DBT: variants seen among roughly 807,000 people sequenced by gnomAD.
DBT encodes the protein lipoamide acyltransferase component of branched-chain alpha-keto acid dehydrogenase complex, mitochondrial.
DBT carries 40 observed loss-of-function variants against 51.3 expected under a neutral mutation model. The observed-to-expected ratio is 0.78, with a 90% CI of 0.61 to 1.02. The LOEUF is 1.02. Among genes scored for constraint, DBT ranks in the 50% least tolerant of loss-of-function variants. The pLI is 0.00. For synonymous variants in DBT, 181 were observed against 190.4 expected, an observed-to-expected ratio of 0.95 and a Z score of 0.41; for missense variants, 510 against 580.2, an observed-to-expected ratio of 0.88 and a Z score of 1.24.
chr1:100,246,971 G>A (rs567215119), intron 1 of DBT, among the ~76,000 whole-genome samples: 3 of 152,242 alleles, frequency 2.0e-5, no homozygotes, highest in East Asian at 3.9e-4. Flanking sequence ...TAAAGCAGAG[G>A]AAATACATGT....
Position 100,201,459 on chromosome 1 carries a change from A to G in DBT, c.1281+4771T>C, listed in dbSNP as rs140448232. Reference sequence around the variant, plus strand: ...TACCTGAAAATGACAGGGAGAATGGAAACAAGTTGGAAAACACACTTCAGG... The same window carrying G: ...TACCTGAAAATGACAGGGAGAATGGGAACAAGTTGGAAAACACACTTCAGG... On this transcript the variant is annotated intron_variant, in intron 10 of 10. Transcript: ENST00000370132. Among the ~76,000 whole-genome samples, 600 of 152,300 alleles carry G rather than the reference A, an allele frequency of 3.9e-3. 3 individuals are homozygous for G. Among genetic ancestry groups the G allele is most frequent in the East Asian group, 0.029 (150 of 5,174 alleles).
chr1:100,212,734 C>T (rs1662229327), intron 7 of DBT, among the ~76,000 whole-genome samples: 1 of 152,112 alleles, frequency 6.6e-6, no homozygotes, highest in African/African-American at 2.4e-5. Context: ...TACCTGACCA[C>T]AGTTTGGGAT....
In DBT at chr1:100,195,996, T is replaced by C. The variant is rs964365749; in HGVS notation, c.*259A>G. Reference sequence around the variant, plus strand: ...TGTTAATCTTGCCAGTTTCAAGCCATTGACACAAAAACATCAGCACCATAT... The same window carrying C: ...TGTTAATCTTGCCAGTTTCAAGCCACTGACACAAAAACATCAGCACCATAT... On this transcript the variant is annotated 3_prime_UTR_variant, in exon 11 of 11. Coordinates refer to ENST00000370132, the MANE Select transcript of DBT (RefSeq NM_001918.5). 11 of 495,962 alleles carry C rather than the reference T, an allele frequency of 2.2e-5. No individual in the cohort carries two copies. The highest frequency in any genetic ancestry group is 7.8e-5 in the African/African-American group (4 of 51,394). The allele number at this position is 495,962 out of a possible 1,614,324, so 30.7% of individuals were successfully genotyped here.
chr1:100,249,585 T>C lies in DBT; in HGVS notation c.51+185A>G, dbSNP rs3131838. On this transcript the variant is annotated intron_variant, in intron 1 of 10. Coordinates refer to ENST00000370132, the MANE Select transcript of DBT (RefSeq NM_001918.5). Reference sequence around the variant, plus strand: ...AGCGCTTCCAGGTAAGGGGAGGGAGTGGGTTTCCACTCCAGACTGGTCGAC... The same window carrying C: ...AGCGCTTCCAGGTAAGGGGAGGGAGCGGGTTTCCACTCCAGACTGGTCGAC... 8.8e-3 allele frequency among the ~76,000 whole-genome samples: 1,333 copies of C among 150,920 alleles called. 23 individuals carry two copies. The highest frequency in any genetic ancestry group is 0.032 in the African/African-American group (1,291 of 40,944).
At position 100,204,127 on chromosome 1, in the gene DBT, T is replaced by G. The variant is rs143855249; in HGVS notation, c.1281+2103A>C. On this transcript the variant is annotated intron_variant, in intron 10 of 10. Coordinates refer to ENST00000370132, the MANE Select transcript of DBT (RefSeq NM_001918.5). ...AGGGCAATCAGACAAGAGAAAGAAA[T>G]AAAGCATATTCTATAGGAAGAGAGG... is the stretch of plus-strand genomic sequence containing the variant. Among the ~76,000 whole-genome samples, 1,278 of 152,156 alleles carry G rather than the reference T, an allele frequency of 8.4e-3. 11 individuals carry two copies. Among genetic ancestry groups the G allele is most frequent in the Non-Finnish European group, 0.013 (906 of 67,998 alleles).
At chr1:100,248,303 A>C (rs1046188257) in intron 1 of DBT, among the ~76,000 whole-genome samples, 3 of 152,144 alleles carry the variant, frequency 2.0e-5, no homozygotes, top group Non-Finnish European at 2.9e-5. Context: ...GACATTGATA[A>C]TCATAAGCCA....
intron 10 of DBT, among the ~76,000 whole-genome samples, chr1:100,202,538 A>G (rs1661518873): frequency 1.3e-5 from 2 of 152,306 alleles, no homozygotes; most frequent in South Asian, 4.1e-4. Context: ...AAGATTAACA[A>G]GCATCTTCAG....
chr1:100,215,455 G>A (rs930724741), intron 6 of DBT, among the ~76,000 whole-genome samples: 1 of 152,104 alleles, frequency 6.6e-6, no homozygotes, highest in Non-Finnish European at 1.5e-5. Flanking sequence ...ACCTGCTAAC[G>A]TATTACTCTT....
intron 1 of DBT, chr1:100,248,956 G>C: frequency 3.5e-6 from 1 of 283,002 alleles, no homozygotes; most frequent in Non-Finnish European, 5.3e-6. Flanking sequence ...TCCACCACAA[G>C]GTTGTAATCT....
rs55792733 is a variant in DBT, at chr1:100,218,932, TG to T, written c.434-186del. On this transcript the variant is annotated intron_variant, in intron 4 of 10. Coordinates refer to ENST00000370132, the MANE Select transcript of DBT (RefSeq NM_001918.5). ...AACTATCCTAATGGTATGGGTAGAG[TG>T]GGGGGGGGGGTGTGTGCCGGTACCT... Among the ~76,000 whole-genome samples the T allele has an allele frequency of 0.02, 2,874 of 146,752 alleles. 77 individuals carry two copies. Among genetic ancestry groups the T allele is most frequent in the African/African-American group, 0.057 (2,174 of 38,226 alleles).
chr1:100,196,267 T>A lies in DBT; in HGVS notation c.1437A>T (p.Leu479=). The change falls in exon 11 of 11, where the codon CTA becomes CTT. Residue 479 remains leucine (L), a synonymous_variant. Transcript: ENST00000370132. The part of the protein sequence containing the change: ...SYLENPAFML[L]DLK Reference sequence around the variant, plus strand: ...GTCTTATCAGTCTTCATTTCAGATCTAGTAGCATAAAAGCTGGGTTTTCTA... The same window carrying A: ...GTCTTATCAGTCTTCATTTCAGATCAAGTAGCATAAAAGCTGGGTTTTCTA... The A allele has an allele frequency of 6.2e-7, 1 of 1,613,720 alleles. No individual in the cohort carries two copies. The highest frequency in any genetic ancestry group is 8.5e-7 in the Non-Finnish European group (1 of 1,179,848).
chr1:100,238,942 G>A lies in DBT; in HGVS notation c.175+1819C>T, dbSNP rs1394113699. Among the ~76,000 whole-genome samples, 6 of 152,120 alleles carry A rather than the reference G, an allele frequency of 3.9e-5. No individual in the cohort carries two copies. In the South Asian group the frequency reaches 1.0e-3, roughly 26 times the overall value. ...TGAAAAACTGAAGTTTAAAAGAGAA[G>A]CAGAAGAAGAGAAACCTTAATAAGT... On this transcript the variant is annotated intron_variant, in intron 2 of 10. Coordinates refer to ENST00000370132, the MANE Select transcript of DBT (RefSeq NM_001918.5).
chr1:100,229,270 C>T (rs965865712), intron 4 of DBT, among the ~76,000 whole-genome samples: 6 of 152,100 alleles, frequency 3.9e-5, no homozygotes, highest in African/African-American at 1.2e-4. Flanking sequence ...CGGGTTCAAG[C>T]GATTCTCCTG....
rs79292123 is a variant in DBT, at chr1:100,216,002, G to A, written c.753C>T (p.Asp251=). The stretch of plus-strand genomic sequence containing the variant: ...CATTACCTTTTATGGGTTCTGTTTT[G>A]TCTTTGCCTGTGAATACCGGAGGTT... ...VSKPPVFTGK[D]KTEPIKGFQK... Residue 251 remains aspartate (D), a synonymous_variant, in exon 6 of 11, where the codon GAC becomes GAT. Transcript: ENST00000370132. 2.3e-3 allele frequency: 3,644 copies of A among 1,597,734 alleles called. 14 individuals are homozygous for A. Among genetic ancestry groups the A allele is most frequent in the Non-Finnish European group, 2.8e-3 (3,279 of 1,165,272 alleles).
At chr1:100,222,879 C>T (rs1228676542) in intron 4 of DBT, among the ~76,000 whole-genome samples, 1 of 152,044 alleles carries the variant, frequency 6.6e-6, no homozygotes, top group Non-Finnish European at 1.5e-5. Context: ...AAAATAGGTG[C>T]CACACAGCCT....
At chr1:100,240,330 G>A (rs985180200) in intron 2 of DBT, among the ~76,000 whole-genome samples, 1 of 152,158 alleles carries the variant, frequency 6.6e-6, no homozygotes, top group Non-Finnish European at 1.5e-5. Flanking sequence ...TGAGCCAGAT[G>A]ATAAATAGAT....
chr1:100,235,284 T>A (rs1316450610), intron 3 of DBT, 152 bp downstream of exon 3: 1 of 546,526 alleles, frequency 1.8e-6, no homozygotes, highest in Non-Finnish European at 3.3e-6. Flanking sequence ...TAATTCTACC[T>A]TATTGCTTTT....
rs938145990 is a variant in DBT, at chr1:100,194,492, C to T, written c.*1763G>A. On this transcript the variant is annotated 3_prime_UTR_variant, in exon 11 of 11. Transcript: ENST00000370132. The stretch of plus-strand genomic sequence containing the variant: ...AGCTGGGACTACAGGCGTGTGCCAC[C>T]AGGCCCAGGTAATTTTTTGTATTTT... 6.6e-6 allele frequency: 1 copy of T among 152,384 alleles called. No individual in the cohort carries two copies. The highest frequency in any genetic ancestry group is 2.4e-5 in the African/African-American group (1 of 41,414). The allele number at this position is 152,384 out of a possible 1,614,324, so 9.4% of individuals were successfully genotyped here. A position where few individuals can be genotyped will look rare whatever the true frequency, so the allele number is the denominator to read the frequency against.
rs1660762719 is a variant in DBT, at chr1:100,190,556, G to A, written c.*5699C>T. 6.6e-6 allele frequency: 1 copy of A among 152,210 alleles called. No homozygotes were observed. Among genetic ancestry groups the A allele is most frequent in the Non-Finnish European group, 1.5e-5 (1 of 68,058 alleles). The allele number at this position is 152,210 out of a possible 1,614,324, so 9.4% of individuals were successfully genotyped here. On this transcript the variant is annotated 3_prime_UTR_variant, in exon 11 of 11. Coordinates refer to ENST00000370132, the MANE Select transcript of DBT (RefSeq NM_001918.5). ...AAATTTTAATCAGTGTGCTAAGGGA[G>A]TAAATCTGGTACAGTTCTGGATGTG...
Sources: allele counts gnomAD v4.1 joint callset (sites outside exome capture counted in the v4.1 genomes callset), GRCh38; gene constraint gnomAD v4.1.1; transcripts MANE v1.5; gene names NCBI Gene and HGNC (gene_info 2026-07-23, HGNC 2026-07-21).